Variants in FOXP1 observed in about 807,000 individuals in gnomAD.
FOXP1 encodes the protein forkhead box protein P1.
FOXP1 carries 15 observed loss-of-function variants against 98.2 expected under a neutral mutation model. That is an observed-to-expected ratio of 0.15 (90% CI 0.10 to 0.24). FOXP1 has a LOEUF of 0.24. FOXP1 is among the 10% of genes least tolerant of loss of function. FOXP1 has a pLI of 1.00. For synonymous variants in FOXP1, 371 were observed against 314.5 expected (o/e 1.18, Z -1.90); for missense variants, 633 against 848.5 (o/e 0.75, Z 3.15).
intron 7 of FOXP1, among the ~76,000 whole-genome samples, chr3:71,098,550 G>A (rs1439407343): frequency 6.6e-6 from 1 of 152,030 alleles, no homozygotes; most frequent in East Asian, 1.9e-4. Flanking sequence ...AGGGGCTCGC[G>A]AACCTGAGAC....
intron 3 of FOXP1, among the ~76,000 whole-genome samples, chr3:71,416,443 G>A (rs2083219225): frequency 6.6e-6 from 1 of 151,880 alleles, no homozygotes; most frequent in African/African-American, 2.4e-5. Flanking sequence ...TATTTGGGGG[G>A]CTGAGGCAGA....
rs201177370 is a variant in FOXP1, at chr3:71,019,842, C to A, written c.870-4189G>T. ...ACAGAGCGAGACACGGTCCCCCCCC[C>A]AAAAAAAACAAAACAAAACAAAACA... On this transcript the variant is annotated intron_variant, in intron 11 of 20. Transcript: ENST00000649528. 2.4e-3 allele frequency among the ~76,000 whole-genome samples: 283 copies of A among 117,606 alleles called. 2 individuals carry two copies. The highest frequency in any genetic ancestry group is 8.0e-3 in the African/African-American group (200 of 24,872). 77.2% of individuals were successfully genotyped at this position (117,606 alleles called of 152,430 possible).
Position 71,581,634 on chromosome 3 carries a change from C to A in FOXP1, c.-383G>T, listed in dbSNP as rs2048177156. On this transcript the variant is annotated 5_prime_UTR_variant, in exon 2 of 21. Transcript: ENST00000649528. ...AGCACCATGGTCCCCGGCGCCGCTG[C>A]CGCTGCCCCCGGCCCGCTCGCTCGC... 5 of 985,792 alleles carry A rather than the reference C, an allele frequency of 5.1e-6. No homozygotes were observed. The highest frequency in any genetic ancestry group is 1.7e-5 in the African/African-American group (1 of 57,234). 61.1% of individuals were successfully genotyped at this position (985,792 alleles called of 1,614,324 possible).
chr3:71,532,610 TCA>T (rs1212999418), intron 2 of FOXP1, among the ~76,000 whole-genome samples: 5 of 152,188 alleles, frequency 3.3e-5, no homozygotes, highest in Non-Finnish European at 7.3e-5. Context: ...TTATTAAAAC[TCA>T]CAGTGTTGGC....
At chr3:71,431,641 C>T (rs2084732136) in intron 3 of FOXP1, among the ~76,000 whole-genome samples, 3 of 152,180 alleles carry the variant, frequency 2.0e-5, no homozygotes, top group African/African-American at 7.2e-5. Flanking sequence ...ATACTTACTA[C>T]AACTAAACAT....
intron 7 of FOXP1, among the ~76,000 whole-genome samples, chr3:71,081,565 C>T (rs761244084): frequency 6.6e-6 from 1 of 152,142 alleles, no homozygotes; most frequent in African/African-American, 2.4e-5. Flanking sequence ...AAGGAAGATA[C>T]ATGAGGAACC....
intron 6 of FOXP1, among the ~76,000 whole-genome samples, chr3:71,171,292 C>T (rs1224543261): frequency 2.0e-5 from 3 of 152,058 alleles, no homozygotes; most frequent in Non-Finnish European, 4.4e-5. Context: ...AATGAAGTCC[C>T]CAGGTTCCCT....
rs57591586 is a variant in FOXP1 at position 70,982,230 on chromosome 3, T to C, written c.1147-4201A>G. On this transcript the variant is annotated intron_variant, in intron 14 of 20. Coordinates refer to ENST00000649528, the MANE Select transcript of FOXP1 (RefSeq NM_001349338.3). ...AGCAAATGGGGAATGGTGTGTGTTT[T>C]TGCTGTAATCTTGAAATATTCATCT... Among the ~76,000 whole-genome samples, 1,228 of 152,362 alleles carry C rather than the reference T, an allele frequency of 8.1e-3. 18 individuals are homozygous for C. The highest frequency in any genetic ancestry group is 0.028 in the African/African-American group (1,179 of 41,582).
intron 11 of FOXP1, among the ~76,000 whole-genome samples, chr3:71,016,210 T>A (rs1000515522): frequency 1.3e-5 from 2 of 152,066 alleles, no homozygotes; most frequent in Non-Finnish European, 2.9e-5. Flanking sequence ...GTGTTTTTTT[T>A]AAAAAAGCTA....
At chr3:71,425,835 C>A (rs1461461082) in intron 3 of FOXP1, among the ~76,000 whole-genome samples, 1 of 152,026 alleles carries the variant, frequency 6.6e-6, no homozygotes, top group East Asian at 1.9e-4. Flanking sequence ...GACATTCATC[C>A]AACATGAAGG....
intron 12 of FOXP1, among the ~76,000 whole-genome samples, chr3:71,006,061 T>C (rs1370067601): frequency 6.6e-6 from 1 of 152,036 alleles, no homozygotes; most frequent in East Asian, 1.9e-4. Flanking sequence ...TCGTGATTTG[T>C]AAAGGGCTGA....
At chr3:71,522,963 G>A (rs531702405) in intron 2 of FOXP1, among the ~76,000 whole-genome samples, 7 of 152,076 alleles carry the variant, frequency 4.6e-5, no homozygotes, top group African/African-American at 1.2e-4. Context: ...TGAACTGAGC[G>A]AAAAGAGAAG....
chr3:70,964,762 G>C (rs138352749), intron 20 of FOXP1, among the ~76,000 whole-genome samples: 79 of 152,302 alleles, frequency 5.2e-4, no homozygotes, highest in African/African-American at 1.9e-3. Flanking sequence ...TCCATATCCA[G>C]AAAGGATAGT....
chr3:70,958,532 A>T lies in FOXP1; in HGVS notation c.*715T>A. 1 of 308,640 alleles carries T rather than the reference A, an allele frequency of 3.2e-6. No homozygotes were observed. Among genetic ancestry groups the T allele is most frequent in the South Asian group, 5.2e-5 (1 of 19,098 alleles). The allele number at this position is 308,640 out of a possible 1,614,324, so 19.1% of individuals were successfully genotyped here. A position where few individuals can be genotyped will look rare whatever the true frequency, so the allele number is the denominator to read the frequency against. ...TCAGCTTTGTATAATAAAAACACCT[A>T]TTAACATTCATCACAAGGTACAGAA... On this transcript the variant is annotated 3_prime_UTR_variant, in exon 21 of 21. Transcript: ENST00000649528.
rs576095274 is a variant in FOXP1, at chr3:71,134,710, G to T, written c.181-22073C>A. Among the ~76,000 whole-genome samples the T allele has an allele frequency of 2.0e-5, 3 of 152,218 alleles. No homozygotes were observed. In the South Asian group the frequency reaches 6.2e-4, roughly 32 times the overall value. ...GGGAGTATTGTCTAACTGCTGCTCT[G>T]CCAAGTTATGCTGTATATTAACTTC... On this transcript the variant is annotated intron_variant, in intron 6 of 20. Transcript: ENST00000649528.
At chr3:71,001,135 G>C (rs1576029484) in intron 12 of FOXP1, 76 bp from the exon 13 acceptor site, 1 of 1,157,174 alleles carries the variant, frequency 8.6e-7, no homozygotes, top group East Asian at 2.4e-5. Flanking sequence ...GGATGTTTAA[G>C]CATAAACTAG....
At chr3:71,088,015 C>T (rs1366000913) in intron 7 of FOXP1, among the ~76,000 whole-genome samples, 1 of 152,178 alleles carries the variant, frequency 6.6e-6, no homozygotes, top group Non-Finnish European at 1.5e-5. Context: ...TGTATGTTTT[C>T]AGAGAAGGCT....
intron 20 of FOXP1, among the ~76,000 whole-genome samples, chr3:70,964,200 T>C (rs768074902): frequency 6.6e-6 from 1 of 152,228 alleles, no homozygotes; most frequent in Non-Finnish European, 1.5e-5. Context: ...CATTTTTGTG[T>C]AGGGTTTCTT....
chr3:71,031,745 C>A (rs369824030), intron 11 of FOXP1, among the ~76,000 whole-genome samples: 11 of 151,492 alleles, frequency 7.3e-5, no homozygotes, highest in Admixed American at 2.6e-4. Flanking sequence ...AACAAACAAA[C>A]AAAAAACAAA....
Sources: gnomAD v4.1 joint callset for allele counts (sites outside exome capture counted in the v4.1 genomes callset) on GRCh38, gnomAD v4.1.1 for gene constraint, MANE v1.5 for transcripts, NCBI Gene and HGNC (gene_info 2026-07-23, HGNC 2026-07-21) for gene names.